The following DLG4 variants were observed in gnomAD, a reference collection of about 807,000 sequenced individuals.
DLG4 encodes discs large MAGUK scaffold protein 4.
In DLG4, 7 loss-of-function variants were observed where a neutral mutation model predicts 93.8. The ratio of observed to expected loss-of-function variants is 0.07; its 90% CI spans 0.04 to 0.14. The LOEUF (loss-of-function observed/expected upper bound fraction) is 0.14. Among genes scored for constraint, DLG4 ranks in the 10% least tolerant of loss-of-function variants. DLG4 has a pLI of 1.00. For synonymous variants in DLG4, 341 were observed against 387.6 expected, an observed-to-expected ratio of 0.88 and a Z score of 1.41; for missense variants, 545 against 992.9, an observed-to-expected ratio of 0.55 and a Z score of 6.06.
At position 7,203,205 on chromosome 17, in the gene DLG4, G is replaced by A. The variant is rs2070249000; in HGVS notation, c.630C>T (p.Asp210=). The A allele has an allele frequency of 6.2e-7, 1 of 1,601,010 alleles. No individual in the cohort carries two copies. Among genetic ancestry groups the A allele is most frequent in the Non-Finnish European group, 8.5e-7 (1 of 1,169,932 alleles). ...ATGGAGTCCTCACCGCCAGGATCTT[G>A]TCTCCAATCTGCAACCTCCCATCCT... The part of the protein sequence containing the change: ...AHKDGRLQIG[D]KILAVNSVGL... Residue 210 remains aspartate, a synonymous_variant, in exon 7 of 20, where the codon GAC becomes GAT. Transcript: ENST00000399506. This position sits in a 1 kb window ranked among gnomAD's most constrained non-coding sequence, Gnocchi z 7.2.
At chr17:7,202,611 C>T (rs1433183654) in intron 8 of DLG4, 1 of 506,036 alleles carries the variant, frequency 2.0e-6, no homozygotes, top group Non-Finnish European at 3.5e-6. Context: ...TTTATCTTTT[C>T]CTGTACTCTG....
In DLG4 at chr17:7,208,028, G is replaced by A. The variant is rs754015583; in HGVS notation, c.96+146C>T. ...GGCCCTTAGGGATTGCTGCAGCTCCGAGGCTCCGAGGGCCGCACTGGGGAG... is the reference window on the plus strand; with the variant it reads ...GGCCCTTAGGGATTGCTGCAGCTCCAAGGCTCCGAGGGCCGCACTGGGGAG... On this transcript the variant is annotated intron_variant, in intron 2 of 19. Transcript: ENST00000399506. This position sits in a 1 kb window ranked among gnomAD's most constrained non-coding sequence, Gnocchi z 5.4. 6.1e-5 allele frequency: 75 copies of A among 1,220,838 alleles called. No homozygotes were observed. The highest frequency in any genetic ancestry group is 7.6e-5 in the Non-Finnish European group (74 of 970,984). The allele number at this position is 1,220,838 out of a possible 1,614,324, so 75.6% of individuals were successfully genotyped here. A position where few individuals can be genotyped will look rare whatever the true frequency, so the allele number is the denominator to read the frequency against.
chr17:7,195,876 G>A lies in DLG4; in HGVS notation c.1301+344C>T, dbSNP rs759015655. ...CGGGACTGCCCACAGGGACGTGAAG[G>A]CTGGGGCAACACTCCAAATACCCTA... is the stretch of plus-strand genomic sequence containing the variant. On this transcript the variant is annotated intron_variant, in intron 11 of 19. Transcript: ENST00000399506. This position sits in a 1 kb window ranked among gnomAD's most constrained non-coding sequence, Gnocchi z 4.3. Among the ~76,000 whole-genome samples the A allele has an allele frequency of 6.6e-6, 1 of 152,218 alleles. No homozygotes were observed. Among genetic ancestry groups the A allele is most frequent in the Non-Finnish European group, 1.5e-5 (1 of 68,040 alleles).
chr17:7,189,157 C>T lies in DLG4; in HGVS notation c.*1551G>A, dbSNP rs2069373828. On this transcript the variant is annotated 3_prime_UTR_variant, in exon 20 of 20. Coordinates refer to ENST00000399506, the MANE Select transcript of DLG4 (RefSeq NM_001321075.3). ...GGGGGGGGCGCATAAAGAAACCTAG[C>T]GTATATTCACACAGCAGTTCTTATC... 6.7e-6 allele frequency among the ~76,000 whole-genome samples: 1 copy of T among 149,170 alleles called. No individual in the cohort carries two copies. Among genetic ancestry groups the T allele is most frequent in the South Asian group, 2.1e-4 (1 of 4,726 alleles).
Position 7,192,935 on chromosome 17 carries a change from C to G in DLG4, c.1866+10G>C. On this transcript the variant is annotated intron_variant, in intron 17 of 19. Coordinates refer to ENST00000399506, the MANE Select transcript of DLG4 (RefSeq NM_001321075.3). Reference sequence around the variant, plus strand: ...AGAAGGAAGAGGACCGGGTGCCCGCCAGGTCCTACCTGCTCTGCCACCTCT... The same window carrying G: ...AGAAGGAAGAGGACCGGGTGCCCGCGAGGTCCTACCTGCTCTGCCACCTCT... The G allele has an allele frequency of 6.2e-7, 1 of 1,606,182 alleles. No homozygotes were observed. Among genetic ancestry groups the G allele is most frequent in the Non-Finnish European group, 8.5e-7 (1 of 1,175,814 alleles).
chr17:7,217,325 C>T lies in DLG4; in HGVS notation c.-178G>A. The T allele has an allele frequency of 1.9e-5, 2 of 104,212 alleles. No homozygotes were observed. Among genetic ancestry groups the T allele is most frequent in the Non-Finnish European group, 1.8e-5 (1 of 57,000 alleles). 6.5% of individuals were successfully genotyped at this position (104,212 alleles called of 1,614,324 possible). A position where few individuals can be genotyped will look rare whatever the true frequency, so the allele number is the denominator to read the frequency against. ...GTTGGAGAAGGGAAGGGGAGGGGAG[C>T]GTGGGAGGGAGGGGAAGGGGGCCCT... On this transcript the variant is annotated 5_prime_UTR_variant, in exon 1 of 20. Transcript: ENST00000399506.
chr17:7,193,896 G>T lies in DLG4; in HGVS notation c.1516-25C>A. 6.2e-7 allele frequency: 1 copy of T among 1,612,650 alleles called. No individual in the cohort carries two copies. ...CCTAAGAAGAAAAAGCAGGCCACGG[G>T]GTTAGTTATGAGCTCAGCTCCATGA... On this transcript the variant is annotated intron_variant, in intron 13 of 19. Coordinates refer to ENST00000399506, the MANE Select transcript of DLG4 (RefSeq NM_001321075.3). This position sits in a 1 kb window ranked among gnomAD's most constrained non-coding sequence, Gnocchi z 6.7.
intron 1 of DLG4, chr17:7,213,850 G>A: frequency 2.1e-6 from 1 of 471,118 alleles, no homozygotes; most frequent in Non-Finnish European, 4.4e-6. Context: ...GCGCCCCCAA[G>A]ATGACCCCCA....
At position 7,191,220 on chromosome 17, in the gene DLG4, G is replaced by A. The variant is rs374849826; in HGVS notation, c.2068+47C>T. ...GTGGCGGGGGAGCTCTTTCTAATCC[G>A]AGCAAGGGCACCCTACATGCTGGCA... On this transcript the variant is annotated intron_variant, in intron 19 of 19. Transcript: ENST00000399506. This position sits in a 1 kb window ranked among gnomAD's most constrained non-coding sequence, Gnocchi z 6.6. The A allele has an allele frequency of 2.6e-5, 42 of 1,586,694 alleles. 2 individuals carry two copies. In the Admixed American group the frequency reaches 3.0e-4, roughly 11 times the overall value.
rs368353025 is a variant in DLG4 at position 7,196,983 on chromosome 17, A to G, written c.857T>C (p.Met286Thr). ...SYLGTDYPTA[M>T]TPTSPRRYSP... ...GTAGCGCCGAGGGGAAGTGGGGGTC[A>G]TGGCTGTGGGGTAGTCGGTGCCCAG... Residue 286 changes from methionine (M) to threonine (T), a missense_variant, in exon 9 of 20, where the codon ATG (methionine) becomes ACG (threonine). Transcript: ENST00000399506. This position sits in a 1 kb window ranked among gnomAD's most constrained non-coding sequence, Gnocchi z 8.3. The G allele has an allele frequency of 6.2e-7, 1 of 1,613,786 alleles. No individual in the cohort carries two copies. The highest frequency in any genetic ancestry group is 8.5e-7 in the Non-Finnish European group (1 of 1,179,830).
At chr17:7,209,753 G>A (rs747728288) in intron 1 of DLG4, among the ~76,000 whole-genome samples, 11 of 152,112 alleles carry the variant, frequency 7.2e-5, no homozygotes, top group Non-Finnish European at 1.5e-4. Flanking sequence ...CTGGGCAACA[G>A]AGTAAGACCC....
chr17:7,208,192 C>T lies in DLG4; in HGVS notation c.78G>A (p.Pro26=), dbSNP rs368685192. The T allele has an allele frequency of 2.4e-5, 31 of 1,314,656 alleles. No homozygotes were observed. Among genetic ancestry groups the T allele is most frequent in the African/African-American group, 3.0e-5 (2 of 66,298 alleles). 81.4% of individuals were successfully genotyped at this position (1,314,656 alleles called of 1,614,324 possible). A position where few individuals can be genotyped will look rare whatever the true frequency, so the allele number is the denominator to read the frequency against. ...DEDTPPLEHS[P]AHLPNQANSP... Reference sequence around the variant, plus strand: ...CGTTTACCTGGTTGGGGAGGTGGGCCGGGCTGTGCTCCAGAGGGGGCGTGT... The same window carrying T: ...CGTTTACCTGGTTGGGGAGGTGGGCTGGGCTGTGCTCCAGAGGGGGCGTGT... Residue 26 remains proline (P), a synonymous_variant, in exon 2 of 20, where the codon CCG becomes CCA. Coordinates refer to ENST00000399506, the MANE Select transcript of DLG4 (RefSeq NM_001321075.3). The surrounding 1 kb of genome is among the most constrained non-coding windows in gnomAD (Gnocchi z 5.4).
chr17:7,208,080 A>AG lies in DLG4; in HGVS notation c.96+93dup, dbSNP rs1186125789. On this transcript the variant is annotated intron_variant, in intron 2 of 19. Transcript: ENST00000399506. This position sits in a 1 kb window ranked among gnomAD's most constrained non-coding sequence, Gnocchi z 5.4. ...GGGCCACCAGGGTCTCCTACCTTGA[A>AG]GGGGGAGAGGTGGGCGTGGCCCACG... 1 of 1,313,398 alleles carries AG rather than the reference A, an allele frequency of 7.6e-7. No individual in the cohort carries two copies. The highest frequency in any genetic ancestry group is 1.5e-5 in the African/African-American group (1 of 66,290). The allele number at this position is 1,313,398 out of a possible 1,614,324, so 81.4% of individuals were successfully genotyped here.
intron 17 of DLG4, 108 bp from the exon 18 acceptor site, chr17:7,192,110 C>T: frequency 1.8e-6 from 1 of 560,582 alleles, no homozygotes; most frequent in African/African-American, 1.9e-5. Context: ...GGAAGTTGGC[C>T]GAAGGGGAGT....
At chr17:7,198,503 C>T (rs1238878518) in intron 8 of DLG4, among the ~76,000 whole-genome samples, 3 of 121,650 alleles carry the variant, frequency 2.5e-5, no homozygotes, top group African/African-American at 9.0e-5. Context: ...AAAAAAAATT[C>T]CTCCAGCTTG....
At chr17:7,205,249 C>A (rs546824018) in intron 2 of DLG4, 1 of 884,550 alleles carries the variant, frequency 1.1e-6, no homozygotes, top group South Asian at 5.2e-5. Flanking sequence ...CCACTTCATT[C>A]GGGAAAGGGT....
In DLG4 at chr17:7,197,165, G is replaced by A; in HGVS notation, c.788-113C>T. 2.9e-6 allele frequency: 3 copies of A among 1,035,030 alleles called. No homozygotes were observed. The African/African-American group carries it at 4.8e-5, about 17-fold the overall frequency. 64.1% of individuals were successfully genotyped at this position (1,035,030 alleles called of 1,614,324 possible). Reference sequence around the variant, plus strand: ...AGTTAGGTGGAAGGGAAGATATTCTGCCAGAGATGCCAGGGTGGGGTGGTA... The same window carrying A: ...AGTTAGGTGGAAGGGAAGATATTCTACCAGAGATGCCAGGGTGGGGTGGTA... On this transcript the variant is annotated intron_variant, in intron 8 of 19. Transcript: ENST00000399506.
chr17:7,198,549 A>G (rs185159054), intron 8 of DLG4, among the ~76,000 whole-genome samples: 5 of 151,146 alleles, frequency 3.3e-5, no homozygotes, highest in East Asian at 2.0e-4. Flanking sequence ...ACAAAAGACA[A>G]AAGTTGAAAG....
chr17:7,214,351 G>T (rs575464230), intron 1 of DLG4, among the ~76,000 whole-genome samples: 1 of 152,076 alleles, frequency 6.6e-6, no homozygotes, highest in South Asian at 2.1e-4. Flanking sequence ...CAGCCCCAAG[G>T]TTCCTCCCCT....
Sources: allele counts gnomAD v4.1 joint callset (sites outside exome capture counted in the v4.1 genomes callset), GRCh38; gene constraint gnomAD v4.1.1; non-coding constraint Gnocchi (gnomAD v3.1); transcripts MANE v1.5; gene names NCBI Gene and HGNC (gene_info 2026-07-23, HGNC 2026-07-21).